Variants in IMMP2L observed in about 807,000 individuals in gnomAD.
IMMP2L encodes the protein inner mitochondrial membrane peptidase subunit 2, also known as mitochondrial inner membrane protease subunit 2.
A neutral mutation model predicts 19.3 loss-of-function variants in IMMP2L; 18 were observed. The ratio of observed to expected loss-of-function variants is 0.93; its 90% CI spans 0.64 to 1.38. The LOEUF is 1.38. Ranked by LOEUF, IMMP2L falls within the 40% of genes most tolerant of loss-of-function variation. IMMP2L has a pLI of 0.00. For synonymous variants in IMMP2L, 76 were observed against 73.0 expected (o/e 1.04, Z -0.21); for missense variants, 233 against 218.2 (o/e 1.07, Z -0.43).
chr7:111,057,836 T>G (rs145463795), intron 3 of IMMP2L, among the ~76,000 whole-genome samples: 152 of 152,322 alleles, frequency 1.0e-3, no homozygotes, highest in African/African-American at 3.5e-3. Flanking sequence ...ACTTCTTTCT[T>G]TAATGTAAAA....
intron 5 of IMMP2L, among the ~76,000 whole-genome samples, chr7:110,700,544 C>A (rs7787856): frequency 6.6e-6 from 1 of 151,924 alleles, no homozygotes; most frequent in Non-Finnish European, 1.5e-5. Flanking sequence ...ATAGCCAGGT[C>A]TCCTGGTCAA....
At chr7:110,670,582 C>T (rs888755046) in intron 5 of IMMP2L, among the ~76,000 whole-genome samples, 4 of 151,634 alleles carry the variant, frequency 2.6e-5, no homozygotes, top group South Asian at 2.1e-4. Flanking sequence ...CCCAGCTACT[C>T]GCCAGGCTGA....
intron 3 of IMMP2L, among the ~76,000 whole-genome samples, chr7:111,061,400 C>A (rs1794000432): frequency 6.6e-6 from 1 of 152,088 alleles, no homozygotes; most frequent in Non-Finnish European, 1.5e-5. Flanking sequence ...GATTCATTTT[C>A]AATAGTTTGC....
At chr7:110,970,537 A>G (rs993362178) in intron 3 of IMMP2L, among the ~76,000 whole-genome samples, 2 of 152,072 alleles carry the variant, frequency 1.3e-5, no homozygotes, top group African/African-American at 2.4e-5. Context: ...TCCCTAATTT[A>G]TTTTGTAAAA....
intron 3 of IMMP2L, among the ~76,000 whole-genome samples, chr7:111,060,799 G>A (rs1013825699): frequency 1.7e-4 from 26 of 152,118 alleles, no homozygotes; most frequent in African/African-American, 5.3e-4. Context: ...TTGGGAAAAT[G>A]GATACTGTGT....
chr7:110,857,043 T>C (rs1806867159), intron 5 of IMMP2L, among the ~76,000 whole-genome samples: 1 of 152,122 alleles, frequency 6.6e-6, no homozygotes, highest in African/African-American at 2.4e-5. Flanking sequence ...AGCTCACTTA[T>C]CCTGGCAGGC....
intron 3 of IMMP2L, among the ~76,000 whole-genome samples, chr7:111,037,123 T>G (rs1791429725): frequency 6.6e-6 from 1 of 152,180 alleles, no homozygotes; most frequent in Admixed American, 6.5e-5. Flanking sequence ...TTTGTCATCA[T>G]TACACTGTTG....
At chr7:111,513,080 C>G (rs1845593141) in intron 2 of IMMP2L, among the ~76,000 whole-genome samples, 1 of 151,998 alleles carries the variant, frequency 6.6e-6, no homozygotes. Flanking sequence ...GATACGACCC[C>G]AAAAGCACAA....
chr7:111,396,055 A>T, intron 3 of IMMP2L, among the ~76,000 whole-genome samples: 1 of 152,166 alleles, frequency 6.6e-6, no homozygotes. Context: ...TAGTTCAACC[A>T]TTGTGGAAGA....
intron 3 of IMMP2L, among the ~76,000 whole-genome samples, chr7:111,481,568 A>C (rs958582990): frequency 6.6e-6 from 1 of 152,134 alleles, no homozygotes; most frequent in Non-Finnish European, 1.5e-5. Flanking sequence ...CAAAAAAATA[A>C]GCAGTCAATA....
chr7:111,232,877 G>A (rs1813867016), intron 3 of IMMP2L, among the ~76,000 whole-genome samples: 1 of 151,982 alleles, frequency 6.6e-6, no homozygotes, highest in East Asian at 1.9e-4. Context: ...CATTCTCTGT[G>A]TCTGCAATCC....
chr7:110,979,224 T>C lies in IMMP2L; in HGVS notation c.240-15659A>G, dbSNP rs146206968. ...TATGCTAATTTTCTCTGGGGAAGAG[T>C]GTACTATGTTGTCTGGCTATCGCTA... On this transcript the variant is annotated intron_variant, in intron 3 of 5. Transcript: ENST00000405709. Among the ~76,000 whole-genome samples, 612 of 152,196 alleles carry C rather than the reference T, an allele frequency of 4.0e-3. 4 individuals are homozygous for C. The highest frequency in any genetic ancestry group is 0.013 in the African/African-American group (560 of 41,544).
At chr7:111,233,145 A>G (rs1813897101) in intron 3 of IMMP2L, among the ~76,000 whole-genome samples, 1 of 152,154 alleles carries the variant, frequency 6.6e-6, no homozygotes. Flanking sequence ...ACTTTATCCA[A>G]TGAACGTAGA....
intron 5 of IMMP2L, among the ~76,000 whole-genome samples, chr7:110,850,737 T>C (rs527856030): frequency 6.6e-6 from 1 of 151,270 alleles, no homozygotes; most frequent in East Asian, 1.9e-4. Context: ...TACTCAAAAG[T>C]CAGGAACTAT....
Position 111,013,167 on chromosome 7 carries a change from G to A in IMMP2L, c.240-49602C>T, listed in dbSNP as rs148279343. Reference sequence around the variant, plus strand: ...ACCTAAGGACAGATGAGGCTGTTGTGGTAAACATGTGTGAGACTGCAAAAG... The same window carrying A: ...ACCTAAGGACAGATGAGGCTGTTGTAGTAAACATGTGTGAGACTGCAAAAG... On this transcript the variant is annotated intron_variant, in intron 3 of 5. Transcript: ENST00000405709. Among the ~76,000 whole-genome samples, 45 of 152,182 alleles carry A rather than the reference G, an allele frequency of 3.0e-4. No individual in the cohort carries two copies. The East Asian group carries it at 8.3e-3, about 28-fold the overall frequency.
chr7:111,392,621 A>C (rs987966712), intron 3 of IMMP2L, among the ~76,000 whole-genome samples: 1 of 152,130 alleles, frequency 6.6e-6, no homozygotes, highest in African/African-American at 2.4e-5. Context: ...TAATTCTGAT[A>C]ATAACAACCA....
At chr7:111,411,341 C>A in intron 3 of IMMP2L, 1 of 404,224 alleles carries the variant, frequency 2.5e-6, no homozygotes, top group Non-Finnish European at 4.9e-6. Flanking sequence ...CAGGACCTAG[C>A]CAAAGCCCAC....
At chr7:111,463,918 T>C (rs1840373684) in intron 3 of IMMP2L, among the ~76,000 whole-genome samples, 2 of 152,174 alleles carry the variant, frequency 1.3e-5, no homozygotes, top group South Asian at 4.1e-4. Flanking sequence ...TAGTTTAGCC[T>C]CAGCATGGCT....
intron 3 of IMMP2L, among the ~76,000 whole-genome samples, chr7:110,999,336 T>G (rs1368666962): frequency 8.6e-5 from 13 of 151,446 alleles, no homozygotes; most frequent in African/African-American, 3.1e-4. Flanking sequence ...CATGGTTTTT[T>G]TTTTTGAGAT....
Sources: gnomAD v4.1 joint callset for allele counts (sites outside exome capture counted in the v4.1 genomes callset) on GRCh38, gnomAD v4.1.1 for gene constraint, MANE v1.5 for transcripts, NCBI Gene and HGNC (gene_info 2026-07-23, HGNC 2026-07-21) for gene names.